Variants in TRIM27 observed in about 807,000 individuals in gnomAD.
TRIM27 encodes the protein tripartite motif containing 27.
A neutral mutation model predicts 57.6 loss-of-function variants in TRIM27; 12 were observed. That is an observed-to-expected ratio of 0.21 (90% CI 0.13 to 0.34). The LOEUF (loss-of-function observed/expected upper bound fraction) is 0.34, where lower values mean the gene tolerates loss of function less well. TRIM27 is among the 10% of genes least tolerant of loss of function. The pLI, the probability that TRIM27 is intolerant of heterozygous loss-of-function variation, is 1.00. For missense variants in TRIM27, 403 were observed against 656.8 expected (o/e 0.61, Z 4.22); for synonymous variants, 266 against 259.0 (o/e 1.03, Z -0.26).
chr6:28,921,950 ACTC>A lies in TRIM27; in HGVS notation c.455_457del (p.Arg152_Val153delinsMet). On this transcript the variant is annotated inframe_deletion, in exon 2 of 8. Transcript: ENST00000377199. The stretch of plus-strand genomic sequence containing the variant: ...CCGACGTCTCTTCTTTAAATCTTTC[ACTC>A]TTTTTAAATGGTCGAGCTGGTTCTG... 1 of 1,612,710 alleles carries A rather than the reference ACTC, an allele frequency of 6.2e-7. No homozygotes were observed. The highest frequency in any genetic ancestry group is 8.5e-7 in the Non-Finnish European group (1 of 1,179,968).
At chr6:28,908,585 C>T in intron 6 of TRIM27, 1 of 498,738 alleles carries the variant, frequency 2.0e-6, no homozygotes, top group Non-Finnish European at 3.6e-6. Context: ...TTTTCTCCTC[C>T]ATCAATGCAG....
chr6:28,904,803 A>C lies in TRIM27; in HGVS notation c.947-138T>G. On this transcript the variant is annotated intron_variant, in intron 7 of 7. Transcript: ENST00000377199. This position sits in a 1 kb window ranked among gnomAD's most constrained non-coding sequence, Gnocchi z 6.1. ...CGTATTTTATTTAGAATATATTCTA[A>C]ACTTCACATTTCAAAAATTACTGCT... 1.6e-6 allele frequency: 1 copy of C among 627,632 alleles called. No individual in the cohort carries two copies. The highest frequency in any genetic ancestry group is 2.7e-6 in the Non-Finnish European group (1 of 371,056). 38.9% of individuals were successfully genotyped at this position (627,632 alleles called of 1,614,324 possible).
chr6:28,910,123 GAAAAAAAAAA>G (rs9278120), intron 4 of TRIM27, among the ~76,000 whole-genome samples: 2 of 97,622 alleles, frequency 2.0e-5, no homozygotes, highest in Non-Finnish European at 4.4e-5. Context: ...AAAGAAAAAT[GAAAAAAAAAA>G]AAAAAAAAAA....
At chr6:28,907,724 T>C (rs3118363) in intron 6 of TRIM27, 21,898 of 406,088 alleles carry the variant, frequency 0.054, 1,044 homozygotes, top group Non-Finnish European at 0.088. Context: ...AAACAGAATT[T>C]CTCACACATT....
chr6:28,910,598 G>T (rs530940174), intron 4 of TRIM27, among the ~76,000 whole-genome samples: 2 of 152,216 alleles, frequency 1.3e-5, no homozygotes, highest in South Asian at 4.1e-4. Flanking sequence ...CCAAAATGCT[G>T]GGATTACAGG....
intron 7 of TRIM27, chr6:28,906,974 C>G: frequency 8.5e-6 from 4 of 468,470 alleles, no homozygotes; most frequent in Middle Eastern, 5.9e-4. Flanking sequence ...TTTTGGGGAA[C>G]TGCGGTTTCC....
At chr6:28,907,579 C>G in intron 6 of TRIM27, 1 of 619,358 alleles carries the variant, frequency 1.6e-6, no homozygotes, top group South Asian at 1.5e-5. Context: ...GAGGGAAACG[C>G]GGTTCCAACC....
intron 2 of TRIM27, among the ~76,000 whole-genome samples, chr6:28,920,839 A>C (rs1773969470): frequency 6.6e-6 from 1 of 152,152 alleles, no homozygotes; most frequent in Non-Finnish European, 1.5e-5. Flanking sequence ...TATGTGCCCT[A>C]TGGAGGATGG....
Position 28,923,283 on chromosome 6 carries a change from A to C in TRIM27, c.350T>G (p.Val117Gly). The change falls in exon 1 of 8, where the codon GTG (valine) becomes GGG (glycine). Residue 117 changes from valine (V) to glycine (G), a missense_variant. Physicochemically the swap from Val to Gly is moderately radical, Grantham distance 109. Coordinates refer to ENST00000377199, the MANE Select transcript of TRIM27 (RefSeq NM_006510.5). Reference protein sequence around the residue: ...CEEDQMPICVVCDRSREHRGH... With the variant: ...CEEDQMPICVGCDRSREHRGH... Reference sequence around the variant, plus strand: ...GCGGTGCTCGCGGGAGCGGTCGCACACCACGCAGATGGGCATCTGGTCCTC... The same window carrying C: ...GCGGTGCTCGCGGGAGCGGTCGCACCCCACGCAGATGGGCATCTGGTCCTC... The C allele has an allele frequency of 1.9e-6, 3 of 1,611,542 alleles. No individual in the cohort carries two copies. Among genetic ancestry groups the C allele is most frequent in the Non-Finnish European group, 2.5e-6 (3 of 1,179,338 alleles).
rs1774232367 is a variant in TRIM27, at chr6:28,923,585, G to A, written c.48C>T (p.Cys16=). ...VAECLQQETT[C]PVCLQYFAEP... is the part of the protein sequence containing the mutation. Reference sequence around the variant, plus strand: ...CTGCGAAGTACTGCAGGCACACGGGGCAGGTGGTCTCCTGCTGCAGGCACT... The same window carrying A: ...CTGCGAAGTACTGCAGGCACACGGGACAGGTGGTCTCCTGCTGCAGGCACT... Residue 16 remains cysteine, a synonymous_variant, in exon 1 of 8, where the codon TGC becomes TGT. Transcript: ENST00000377199. The A allele has an allele frequency of 6.2e-7, 1 of 1,604,718 alleles. No individual in the cohort carries two copies. The highest frequency in any genetic ancestry group is 1.3e-5 in the African/African-American group (1 of 74,866).
chr6:28,923,769 T>C lies in TRIM27; in HGVS notation c.-137A>G. The C allele has an allele frequency of 1.0e-6, 1 of 961,050 alleles. No homozygotes were observed. The highest frequency in any genetic ancestry group is 1.8e-5 in the South Asian group (1 of 56,034). 59.5% of individuals were successfully genotyped at this position (961,050 alleles called of 1,614,324 possible). ...CGGAGGGCGGCGCCTCCCGGGCCCGTATCCCAGACGCGCCCGCGCACCGAA... is the reference window on the plus strand; with the variant it reads ...CGGAGGGCGGCGCCTCCCGGGCCCGCATCCCAGACGCGCCCGCGCACCGAA... On this transcript the variant is annotated 5_prime_UTR_variant, in exon 1 of 8. It adds an upstream start codon to the 5' untranslated region. Coordinates refer to ENST00000377199, the MANE Select transcript of TRIM27 (RefSeq NM_006510.5).
rs368614614 is a variant in TRIM27 at position 28,920,830 on chromosome 6, AT to A, written c.517-589del. Among the ~76,000 whole-genome samples, 28 of 152,278 alleles carry A rather than the reference AT, an allele frequency of 1.8e-4. 1 individual carries two copies. In the East Asian group the frequency reaches 5.0e-3, roughly 27 times the overall value. ...ACACAGGAAAGTGACAGGGTCAGATATGTGCCCTATGGAGGATGGAACAACC... is the reference window on the plus strand; with the variant it reads ...ACACAGGAAAGTGACAGGGTCAGATAGTGCCCTATGGAGGATGGAACAACC... On this transcript the variant is annotated intron_variant, in intron 2 of 7. Transcript: ENST00000377199.
At chr6:28,915,706 A>T (rs189006168) in intron 3 of TRIM27, 1 of 152,210 alleles carries the variant, frequency 6.6e-6, no homozygotes, top group Non-Finnish European at 1.5e-5. Context: ...GCTCCTGCAC[A>T]AGGATAACAC....
intron 6 of TRIM27, chr6:28,907,630 G>C (rs754823240): frequency 7.1e-5 from 39 of 550,692 alleles, no homozygotes; most frequent in Non-Finnish European, 1.3e-4. Context: ...AGTCATCTGT[G>C]TACAAGAGCT....
intron 3 of TRIM27, among the ~76,000 whole-genome samples, chr6:28,919,716 A>T (rs903385138): frequency 6.6e-6 from 1 of 152,218 alleles, no homozygotes; most frequent in Non-Finnish European, 1.5e-5. Context: ...CTGAGGCCCA[A>T]AAAGGTTGAG....
At chr6:28,917,104 T>C (rs1007635999) in intron 3 of TRIM27, among the ~76,000 whole-genome samples, 3 of 115,382 alleles carry the variant, frequency 2.6e-5, no homozygotes, top group Admixed American at 8.4e-5. Flanking sequence ...ATCATGTCAC[T>C]GCACTCCGAC....
intron 3 of TRIM27, among the ~76,000 whole-genome samples, chr6:28,918,088 A>G (rs3132378): frequency 0.052 from 7,870 of 152,072 alleles, 323 homozygotes; most frequent in Non-Finnish European, 0.09. Context: ...GGCCTCCCAA[A>G]GTGCTGGGAT....
In TRIM27 at chr6:28,904,722, A is replaced by G. The variant is rs1477111296; in HGVS notation, c.947-57T>C. 2.2e-6 allele frequency: 3 copies of G among 1,361,538 alleles called. No individual in the cohort carries two copies. Among genetic ancestry groups the G allele is most frequent in the South Asian group, 2.7e-5 (2 of 74,054 alleles). The allele number at this position is 1,361,538 out of a possible 1,614,324, so 84.3% of individuals were successfully genotyped here. A position where few individuals can be genotyped will look rare whatever the true frequency, so the allele number is the denominator to read the frequency against. ...GGGCCAGGAGAGCCTATTTTAGAAC[A>G]CCCAGCGCCTTTCTACTACCTCCCC... On this transcript the variant is annotated intron_variant, in intron 7 of 7. Coordinates refer to ENST00000377199, the MANE Select transcript of TRIM27 (RefSeq NM_006510.5). This position sits in a 1 kb window ranked among gnomAD's most constrained non-coding sequence, Gnocchi z 6.1.
intron 7 of TRIM27, 151 bp downstream of exon 7, chr6:28,907,085 C>G (rs1338624116): frequency 1.8e-5 from 12 of 667,702 alleles, no homozygotes; most frequent in Non-Finnish European, 3.0e-5. Context: ...ATAGAAACAA[C>G]TGAGGATTTT....
Sources: allele counts gnomAD v4.1 joint callset (sites outside exome capture counted in the v4.1 genomes callset), GRCh38; gene constraint gnomAD v4.1.1; non-coding constraint Gnocchi (gnomAD v3.1); transcripts MANE v1.5; gene names NCBI Gene and HGNC (gene_info 2026-07-23, HGNC 2026-07-21).